The following RADX variants were observed in gnomAD, a reference collection of about 807,000 sequenced individuals.
The protein encoded by RADX is RPA1 related single stranded DNA binding protein, X-linked.
In RADX, 36 loss-of-function variants were observed where a neutral mutation model predicts 61.6. The observed-to-expected ratio is 0.58, with a 90% confidence interval of 0.45 to 0.77. The LOEUF is 0.77. Among genes scored for constraint, RADX ranks in the 30% least tolerant of loss-of-function variants. The pLI, the probability that RADX is intolerant of heterozygous loss-of-function variation, is 0.00. For missense variants in RADX, 497 were observed against 651.1 expected, an observed-to-expected ratio of 0.76 and a Z score of 2.58; for synonymous variants, 272 against 237.9, an observed-to-expected ratio of 1.14 and a Z score of -1.32.
In RADX at chrX:106,668,544, T is replaced by A. The variant is rs72618342; in HGVS notation, c.2270-619T>A. Among the ~76,000 whole-genome samples the A allele has an allele frequency of 6.0e-3, 676 of 111,835 alleles. 13 individuals are homozygous for A. The East Asian group carries it at 0.091, about 15-fold the overall frequency. ...TAGTACATAGCTAGAATTCTTTTCT[T>A]CCTCTAGGAAGTCTTTTTTATCTAC... On this transcript the variant is annotated intron_variant, in intron 12 of 13. Coordinates refer to ENST00000372548, the MANE Select transcript of RADX (RefSeq NM_018015.6).
chrX:106,661,310 G>A (rs1008397803), intron 11 of RADX, among the ~76,000 whole-genome samples: 8 of 109,129 alleles, frequency 7.3e-5, no homozygotes, highest in African/African-American at 2.7e-4. Flanking sequence ...CCATAAAGGA[G>A]TGTCATATAT....
intron 11 of RADX, among the ~76,000 whole-genome samples, chrX:106,653,333 G>T (rs1249737076): frequency 9.1e-6 from 1 of 110,357 alleles, no homozygotes; most frequent in Non-Finnish European, 1.9e-5. Context: ...AAAATAGCAT[G>T]ATGACTGGAG....
chrX:106,621,737 G>A (rs1452404615), intron 1 of RADX, among the ~76,000 whole-genome samples: 2 of 110,396 alleles, frequency 1.8e-5, no homozygotes, highest in African/African-American at 3.3e-5. Context: ...TAATATCACT[G>A]AGAAGGTGAT....
At chrX:106,614,351 C>G (rs1926749632) in intron 1 of RADX, among the ~76,000 whole-genome samples, 1 of 111,684 alleles carries the variant, frequency 9.0e-6, no homozygotes, top group Admixed American at 9.5e-5. Flanking sequence ...TACATCTGTA[C>G]ATACAATATT....
chrX:106,657,135 C>T (rs761249195), intron 11 of RADX, among the ~76,000 whole-genome samples: 1 of 112,475 alleles, frequency 8.9e-6, no homozygotes, highest in Non-Finnish European at 1.9e-5. Flanking sequence ...CTTGCAGCTT[C>T]TACATCAGAA....
intron 9 of RADX, 154 bp downstream of exon 9, chrX:106,639,841 GT>G: frequency 2.7e-6 from 1 of 364,906 alleles, no homozygotes; most frequent in East Asian, 4.8e-5. Context: ...AGGCATTGTG[GT>G]TTTTGCCTAT....
At chrX:106,621,754 G>A (rs1157601604) in intron 1 of RADX, among the ~76,000 whole-genome samples, 3 of 110,295 alleles carry the variant, frequency 2.7e-5, no homozygotes, top group Non-Finnish European at 5.7e-5. Flanking sequence ...TGATATTTGA[G>A]CAAAACTTGA....
rs779341373 is a variant in RADX at position 106,612,194 on chromosome X, T to C, written c.114T>C (p.Gly38=). 5 of 1,209,721 alleles carry C rather than the reference T, an allele frequency of 4.1e-6. No homozygotes were observed. The highest frequency in any genetic ancestry group is 2.2e-5 in the Admixed American group (1 of 45,837). Residue 38 remains glycine, a synonymous_variant, in exon 1 of 14, where the codon GGT becomes GGC. Transcript: ENST00000372548. ...CGGGAGGGGTGATCCGAAGAGCTGG[T>C]TCCCAAGGGCCCAGGTCCTGGATCC... The part of the protein sequence containing the change: ...GVPGGVIRRA[G]SQGPRSWIQK...
chrX:106,617,265 A>G (rs1054954736), intron 1 of RADX, among the ~76,000 whole-genome samples: 8 of 109,464 alleles, frequency 7.3e-5, no homozygotes, highest in African/African-American at 2.7e-4. Context: ...ACCTCAGGTG[A>G]TCCACCCACC....
At chrX:106,638,540 G>A (rs1174993189) in intron 8 of RADX, 1 of 112,212 alleles carries the variant, frequency 8.9e-6, no homozygotes, top group African/African-American at 3.2e-5. Flanking sequence ...GGGATTACAG[G>A]CGTGAGCCAC....
chrX:106,631,955 G>C (rs1024298887), intron 3 of RADX, among the ~76,000 whole-genome samples: 1 of 111,214 alleles, frequency 9.0e-6, no homozygotes. Context: ...ACACAAATAG[G>C]CTCATTACTT....
At chrX:106,657,883 C>G (rs1056336930) in intron 11 of RADX, among the ~76,000 whole-genome samples, 2 of 110,982 alleles carry the variant, frequency 1.8e-5, no homozygotes, top group African/African-American at 6.5e-5. Flanking sequence ...TGATAATTAC[C>G]AAAACGTGAC....
chrX:106,655,029 T>G lies in RADX; in HGVS notation c.1978+6643T>G, dbSNP rs774223985. 2.7e-5 allele frequency among the ~76,000 whole-genome samples: 3 copies of G among 111,752 alleles called. No homozygotes were observed. In the East Asian group the frequency reaches 8.5e-4, roughly 32 times the overall value. ...GTTAATTGCAGGCGTACCTCAGAGA[T>G]ATTGTGGGTTTGGTGCCAAACCATT... On this transcript the variant is annotated intron_variant, in intron 11 of 13. Transcript: ENST00000372548.
At chrX:106,642,569 G>T (rs1927544811) in intron 10 of RADX, among the ~76,000 whole-genome samples, 1 of 111,575 alleles carries the variant, frequency 9.0e-6, no homozygotes, top group Non-Finnish European at 1.9e-5. Flanking sequence ...CATCCATGTT[G>T]TTGCAAATCA....
chrX:106,667,558 C>T (rs979288864), intron 12 of RADX, among the ~76,000 whole-genome samples: 1 of 110,902 alleles, frequency 9.0e-6, no homozygotes, highest in African/African-American at 3.3e-5. Flanking sequence ...CTCCTGGACT[C>T]AAGCAATCCA....
In RADX at chrX:106,648,453, T is replaced by C. The variant is rs1048462803; in HGVS notation, c.1978+67T>C. ...AAACATTATTCTATGAAGATTACTA[T>C]TTAATTACTAAGCACAAGTAATACA... On this transcript the variant is annotated intron_variant, in intron 11 of 13. Coordinates refer to ENST00000372548, the MANE Select transcript of RADX (RefSeq NM_018015.6). The C allele has an allele frequency of 4.6e-5, 34 of 735,030 alleles. 1 individual carries two copies. The African/African-American group carries it at 7.3e-4, about 16-fold the overall frequency. 60.6% of individuals were successfully genotyped at this position (735,030 alleles called of 1,213,427 possible).
At chrX:106,672,495 T>C (rs760963850) in intron 13 of RADX, among the ~76,000 whole-genome samples, 1 of 111,209 alleles carries the variant, frequency 9.0e-6, no homozygotes, top group Non-Finnish European at 1.9e-5. Flanking sequence ...TCTCTCTCTC[T>C]CTCTATTCTG....
intron 11 of RADX, among the ~76,000 whole-genome samples, chrX:106,655,505 TG>T (rs1391493741): frequency 6.8e-5 from 7 of 103,381 alleles, no homozygotes; most frequent in Admixed American, 1.0e-4. Context: ...GCCCACCCCA[TG>T]ACAGGCCCCA....
intron 11 of RADX, among the ~76,000 whole-genome samples, chrX:106,659,445 A>C (rs1928034008): frequency 8.9e-6 from 1 of 112,508 alleles, no homozygotes; most frequent in Non-Finnish European, 1.9e-5. Context: ...AATAAGAGTA[A>C]AATAGATAAT....
Sources: gnomAD v4.1 joint callset for allele counts (sites outside exome capture counted in the v4.1 genomes callset) on GRCh38, gnomAD v4.1.1 for gene constraint, MANE v1.5 for transcripts, NCBI Gene and HGNC (gene_info 2026-07-23, HGNC 2026-07-21) for gene names.